The following FAT3 variants were observed in gnomAD, a reference collection of about 807,000 sequenced individuals.
FAT3 encodes protocadherin Fat 3.
FAT3 carries 95 observed loss-of-function variants against 310.2 expected under a neutral mutation model. The ratio of observed to expected loss-of-function variants is 0.31; its 90% CI spans 0.26 to 0.36. FAT3 has a LOEUF of 0.36. FAT3 is among the 10% of genes least tolerant of loss of function. FAT3 has a pLI of 1.00. For synonymous variants in FAT3, 2,314 were observed against 2,192.9 expected (o/e 1.06, Z -1.54); for missense variants, 5,408 against 5,715.6 (o/e 0.95, Z 1.74).
At chr11:92,626,763 G>A (rs974589607) in intron 3 of FAT3, among the ~76,000 whole-genome samples, 12 of 152,152 alleles carry the variant, frequency 7.9e-5, no homozygotes, top group Non-Finnish European at 8.8e-5. Flanking sequence ...GAGTAAGTGA[G>A]ATGGCTGTCA....
intron 3 of FAT3, among the ~76,000 whole-genome samples, chr11:92,626,669 G>A (rs1941352178): frequency 6.6e-6 from 1 of 152,140 alleles, no homozygotes; most frequent in Non-Finnish European, 1.5e-5. Flanking sequence ...TGGAGAAATG[G>A]AGAGGGTTTT....
chr11:92,738,299 T>C (rs1300967203), intron 4 of FAT3, among the ~76,000 whole-genome samples: 1 of 152,200 alleles, frequency 6.6e-6, no homozygotes, highest in East Asian at 1.9e-4. Context: ...AAAGGGCATT[T>C]ATTTAAAACA....
At chr11:92,842,857 A>G (rs1249069207) in intron 18 of FAT3, among the ~76,000 whole-genome samples, 1 of 152,230 alleles carries the variant, frequency 6.6e-6, no homozygotes, top group Non-Finnish European at 1.5e-5. Context: ...ACTGCAGCCT[A>G]GGTGGCAGGA....
At chr11:92,538,325 T>C (rs1488708614) in intron 3 of FAT3, among the ~76,000 whole-genome samples, 1 of 152,154 alleles carries the variant, frequency 6.6e-6, no homozygotes, top group Non-Finnish European at 1.5e-5. Flanking sequence ...ATCCTCTCAG[T>C]TGGAAGCCCA....
intron 3 of FAT3, among the ~76,000 whole-genome samples, chr11:92,573,670 A>G (rs1044632320): frequency 1.3e-5 from 2 of 152,138 alleles, no homozygotes; most frequent in African/African-American, 4.8e-5. Flanking sequence ...CCATGTGAAG[A>G]TAGAGGCAGA....
At chr11:92,666,634 A>G (rs1017303571) in intron 3 of FAT3, among the ~76,000 whole-genome samples, 6 of 151,732 alleles carry the variant, frequency 4.0e-5, no homozygotes, top group Non-Finnish European at 7.4e-5. Context: ...TGCTGAGATT[A>G]CAGGCATGAG....
intron 13 of FAT3, among the ~76,000 whole-genome samples, chr11:92,816,416 G>C (rs1456421475): frequency 1.3e-5 from 2 of 152,204 alleles, no homozygotes; most frequent in Admixed American, 1.3e-4. Context: ...CCAGCTGTCA[G>C]CTGCCTCAGC....
chr11:92,449,652 C>G (rs974296799), intron 2 of FAT3, among the ~76,000 whole-genome samples: 7 of 152,072 alleles, frequency 4.6e-5, no homozygotes, highest in Admixed American at 4.6e-4. Flanking sequence ...CAGTAACTTG[C>G]AAAGGTTACA....
intron 1 of FAT3, among the ~76,000 whole-genome samples, chr11:92,276,119 A>T (rs1285628448): frequency 6.6e-6 from 1 of 152,200 alleles, no homozygotes; most frequent in Non-Finnish European, 1.5e-5. Flanking sequence ...ATGGGCAAAT[A>T]GTCCCGAACC....
At chr11:92,229,490 G>GT in intron 1 of FAT3, among the ~76,000 whole-genome samples, 1,451 of 46,646 alleles carry the variant, frequency 0.031, 304 homozygotes, top group Middle Eastern at 0.089. Flanking sequence ...TTGTTTTTTC[G>GT]TGTTTTTTTT....
At chr11:92,796,581 A>G (rs1258049863) in intron 9 of FAT3, among the ~76,000 whole-genome samples, 1 of 152,288 alleles carries the variant, frequency 6.6e-6, no homozygotes, top group Non-Finnish European at 1.5e-5. Context: ...TCATACTACA[A>G]TACTCAGAAA....
chr11:92,763,943 A>C (rs1591702155), intron 5 of FAT3, among the ~76,000 whole-genome samples: 1 of 152,182 alleles, frequency 6.6e-6, no homozygotes, highest in East Asian at 1.9e-4. Context: ...GGTGCTATGC[A>C]TTGTCACTGT....
At chr11:92,613,741 T>G (rs750510189) in intron 3 of FAT3, among the ~76,000 whole-genome samples, 6 of 152,174 alleles carry the variant, frequency 3.9e-5, no homozygotes, top group Non-Finnish European at 7.3e-5. Context: ...GGGAGTAAAA[T>G]AAGTGATAGA....
In FAT3 at chr11:92,540,011, T is replaced by C. The variant is rs184601599; in HGVS notation, c.3607+15063T>C. Among the ~76,000 whole-genome samples, 904 of 152,300 alleles carry C rather than the reference T, an allele frequency of 5.9e-3. 6 individuals are homozygous for C. The highest frequency in any genetic ancestry group is 0.014 in the South Asian group (69 of 4,828). On this transcript the variant is annotated intron_variant, in intron 3 of 27. Transcript: ENST00000525166. Reference sequence around the variant, plus strand: ...AACAAAGGGCTTGACATTTTTATTTTGCGCTGAGCCCTGCAAATCATGTAG... The same window carrying C: ...AACAAAGGGCTTGACATTTTTATTTCGCGCTGAGCCCTGCAAATCATGTAG...
intron 2 of FAT3, among the ~76,000 whole-genome samples, chr11:92,469,866 G>A (rs1345035855): frequency 2.0e-5 from 3 of 152,044 alleles, no homozygotes; most frequent in Admixed American, 2.0e-4. Flanking sequence ...AAAAAGTAAA[G>A]CTTGAAGCCA....
At chr11:92,530,651 A>G (rs921208570) in intron 3 of FAT3, among the ~76,000 whole-genome samples, 1 of 152,144 alleles carries the variant, frequency 6.6e-6, no homozygotes, top group African/African-American at 2.4e-5. Context: ...AGGTAGAATC[A>G]AGCAGAATTT....
Position 92,524,859 on chromosome 11 carries a change from A to G in FAT3, c.3518A>G (p.Glu1173Gly). Residue 1173 changes from glutamate (E) to glycine (G), a missense_variant, in exon 3 of 28, where the codon GAA becomes GGA. Glu to Gly is a moderately conservative substitution (Grantham distance 98, BLOSUM62 -2). Transcript: ENST00000525166. ...GTATCTGTCATTCAGATCCAGGCTG[A>G]AGATCCTGACTCCAGTTCCAATGAA... ...KDVSVIQIQA[E>G]DPDSSSNEKL... 1.9e-6 allele frequency: 3 copies of G among 1,613,892 alleles called. No individual in the cohort carries two copies. Among genetic ancestry groups the G allele is most frequent in the Non-Finnish European group, 2.5e-6 (3 of 1,179,834 alleles).
rs1948101378 is a variant in FAT3 at position 92,826,201 on chromosome 11, T to C, written c.9482-5421T>C. Among the ~76,000 whole-genome samples the C allele has an allele frequency of 2.0e-5, 3 of 152,188 alleles. No individual in the cohort carries two copies. The South Asian group carries it at 6.2e-4, about 31-fold the overall frequency. On this transcript the variant is annotated intron_variant, in intron 13 of 27. Coordinates refer to ENST00000525166, the MANE Select transcript of FAT3 (RefSeq NM_001367949.2). ...TCTCAAAAGAAACAAAACACTGTCT[T>C]TTAAGAATAAGGCCATGGCAAAGGA...
intron 1 of FAT3, among the ~76,000 whole-genome samples, chr11:92,281,750 T>G (rs560472338): frequency 6.6e-6 from 1 of 152,292 alleles, no homozygotes; most frequent in Admixed American, 6.5e-5. Flanking sequence ...ACTGGTCCAC[T>G]GCATGAGAAC....
Sources: allele counts gnomAD v4.1 joint callset (sites outside exome capture counted in the v4.1 genomes callset), GRCh38; gene constraint gnomAD v4.1.1; transcripts MANE v1.5; gene names NCBI Gene and HGNC (gene_info 2026-07-23, HGNC 2026-07-21).